The following TUBA3C variants were observed in gnomAD, a reference collection of about 807,000 sequenced individuals.
TUBA3C encodes tubulin alpha 3c, also known as tubulin alpha-3C chain.
In TUBA3C, 23 loss-of-function variants were observed where a neutral mutation model predicts 33.4. That is an observed-to-expected ratio of 0.69 (90% CI 0.50 to 0.98). The LOEUF is 0.98. Ranked by LOEUF, TUBA3C falls within the 50% of genes least tolerant of loss-of-function variation. The pLI is 0.00. For missense variants in TUBA3C, 402 were observed against 616.0 expected (o/e 0.65, Z 3.68); for synonymous variants, 269 against 250.4 (o/e 1.07, Z -0.70).
chr13:19,180,382 G>A lies in TUBA3C; in HGVS notation c.4-819C>T, dbSNP rs374236340. On this transcript the variant is annotated intron_variant, in intron 1 of 4. Coordinates refer to ENST00000400113, the MANE Select transcript of TUBA3C (RefSeq NM_006001.3). ...AGTGCTGGGACACTGCACTGTCCTT[G>A]GTGGTTTCTTTAAGCCCTGACAAGC... is the stretch of plus-strand genomic sequence containing the variant. Among the ~76,000 whole-genome samples, 9 of 140,910 alleles carry A rather than the reference G, an allele frequency of 6.4e-5. No individual in the cohort carries two copies. In the South Asian group the frequency reaches 2.1e-3, roughly 32 times the overall value. 92.4% of individuals were successfully genotyped at this position (140,910 alleles called of 152,430 possible). A position where few individuals can be genotyped will look rare whatever the true frequency, so the allele number is the denominator to read the frequency against.
chr13:19,180,999 C>A (rs757924172), intron 1 of TUBA3C, among the ~76,000 whole-genome samples: 13 of 149,992 alleles, frequency 8.7e-5, no homozygotes, highest in Non-Finnish European at 1.8e-4. Flanking sequence ...AAACCACGGC[C>A]ACTGCTATTC....
At position 19,179,484 on chromosome 13, in the gene TUBA3C, T is replaced by C. The variant is rs61736053; in HGVS notation, c.83A>G (p.His28Arg). The C allele has an allele frequency of 1.2e-6, 2 of 1,614,064 alleles. No homozygotes were observed. Among genetic ancestry groups the C allele is most frequent in the East Asian group, 2.2e-5 (1 of 44,892 alleles). Residue 28 changes from histidine (H) to arginine (R), a missense_variant, in exon 2 of 5, where the codon CAT becomes CGT. His to Arg is a conservative substitution (Grantham distance 29). Transcript: ENST00000400113. ...NACWELYCLEHGIQPDGQMPS... is the reference protein window; with the variant it reads ...NACWELYCLERGIQPDGQMPS... ...CATCTGACCATCGGGCTGAATTCCATGTTCCAGGCAGTACAGTTCCCAGCA... is the reference window on the plus strand; with the variant it reads ...CATCTGACCATCGGGCTGAATTCCACGTTCCAGGCAGTACAGTTCCCAGCA...
At chr13:19,178,039 G>A (rs529657303) in intron 3 of TUBA3C, among the ~76,000 whole-genome samples, 58 of 152,078 alleles carry the variant, frequency 3.8e-4, no homozygotes, top group Non-Finnish European at 7.1e-4. Context: ...TAAAGACAGG[G>A]TTTCACCACG....
chr13:19,174,012 G>A lies in TUBA3C; in HGVS notation c.1204C>T (p.Arg402Trp), dbSNP rs397839867. The A allele has an allele frequency of 5.0e-6, 8 of 1,613,062 alleles. No homozygotes were observed. Among genetic ancestry groups the A allele is most frequent in the Middle Eastern group, 3.3e-4 (2 of 6,062 alleles). ...DHKFDLMYAK[R>W]AFVHWYVGEG... ...CCCACGTACCAGTGCACAAAGGCCC[G>A]CTTGGCATACATGAGATCGAACTTA... Residue 402 changes from arginine (R) to tryptophan (W), a missense_variant, in exon 5 of 5, where the codon CGG (arginine) becomes TGG (tryptophan). Physicochemically the swap from Arg to Trp is moderately radical, Grantham distance 101. Coordinates refer to ENST00000400113, the MANE Select transcript of TUBA3C (RefSeq NM_006001.3).
chr13:19,176,725 CAAAAAAAAAAAAAAAAAA>C (rs55746544), intron 4 of TUBA3C, among the ~76,000 whole-genome samples, 184 bp downstream of exon 4: 7 of 34,582 alleles, frequency 2.0e-4, no homozygotes, highest in Non-Finnish European at 2.5e-4. Flanking sequence ...GACTCTGCCT[CAAAAAAAAAAAAAAAAAA>C]AAAAAAAAAA....
At position 19,177,722 on chromosome 13, in the gene TUBA3C, T is replaced by C; in HGVS notation, c.376-115A>G. The C allele has an allele frequency of 2.3e-6, 3 of 1,325,554 alleles. No homozygotes were observed. Among genetic ancestry groups the C allele is most frequent in the Non-Finnish European group, 3.1e-6 (3 of 980,554 alleles). The allele number at this position is 1,325,554 out of a possible 1,614,324, so 82.1% of individuals were successfully genotyped here. On this transcript the variant is annotated intron_variant, in intron 3 of 4. Coordinates refer to ENST00000400113, the MANE Select transcript of TUBA3C (RefSeq NM_006001.3). The surrounding 1 kb of genome is among the most constrained non-coding windows in gnomAD (Gnocchi z 5.0). Reference sequence around the variant, plus strand: ...ACTTGATATGGATTCCAATCATCCATAATAAACACGCAGTACACTCTGAAG... The same window carrying C: ...ACTTGATATGGATTCCAATCATCCACAATAAACACGCAGTACACTCTGAAG...
At position 19,178,450 on chromosome 13, in the gene TUBA3C, G is replaced by C; in HGVS notation, c.227-56C>G. On this transcript the variant is annotated intron_variant, in intron 2 of 4. Transcript: ENST00000400113. ...TTTAAGGCCTATACTCACCAAGATG[G>C]ACACATTCCAGGACTGTTCACTTCT... The C allele has an allele frequency of 2.5e-6, 4 of 1,602,378 alleles. No homozygotes were observed. In the South Asian group the frequency reaches 3.3e-5, roughly 13 times the overall value.
At chr13:19,181,607 C>T (rs1431735341) in intron 1 of TUBA3C, 138 bp downstream of exon 1, 2 of 1,266,364 alleles carry the variant, frequency 1.6e-6, no homozygotes, top group Non-Finnish European at 2.2e-6. Flanking sequence ...GTGTCCCGCC[C>T]TGGGCCCCGC....
Position 19,174,122 on chromosome 13 carries a change from C to A in TUBA3C, c.1094G>T (p.Gly365Val), listed in dbSNP as rs1400418137. ...CCGCTGCACCTTGGCCAGGTCTCCC[C>A]CAGGGACCACCGTGGGGGGCTGGTA... Reference protein sequence around the residue: ...INYQPPTVVPGGDLAKVQRAV... With the variant: ...INYQPPTVVPVGDLAKVQRAV... Residue 365 changes from glycine (G) to valine (V), a missense_variant, in exon 5 of 5, where the codon GGG becomes GTG. Coordinates refer to ENST00000400113, the MANE Select transcript of TUBA3C (RefSeq NM_006001.3). The A allele has an allele frequency of 2.5e-6, 4 of 1,613,570 alleles. No individual in the cohort carries two copies. The highest frequency in any genetic ancestry group is 1.1e-5 in the South Asian group (1 of 91,036).
chr13:19,179,463 T>G lies in TUBA3C; in HGVS notation c.104A>C (p.Gln35Pro). The stretch of plus-strand genomic sequence containing the variant: ...ACCAATGGTTTTATCACTTGGCATC[T>G]GACCATCGGGCTGAATTCCATGTTC... ...CLEHGIQPDG[Q>P]MPSDKTIGGG... is the part of the protein sequence containing the mutation. Residue 35 changes from glutamine (Q) to proline (P), a missense_variant, in exon 2 of 5, where the codon CAG becomes CCG. Gln to Pro is a moderately conservative substitution (Grantham distance 76). Transcript: ENST00000400113. 6.2e-7 allele frequency: 1 copy of G among 1,614,130 alleles called. No individual in the cohort carries two copies. Among genetic ancestry groups the G allele is most frequent in the East Asian group, 2.2e-5 (1 of 44,868 alleles).
intron 1 of TUBA3C, among the ~76,000 whole-genome samples, 170 bp downstream of exon 1, chr13:19,181,575 C>G (rs1451345814): frequency 6.6e-6 from 1 of 152,154 alleles, no homozygotes; most frequent in Non-Finnish European, 1.5e-5. Context: ...CCCGCAGACC[C>G]AGCAGACGAT....
chr13:19,181,594 C>T, intron 1 of TUBA3C, 151 bp downstream of exon 1: 2 of 1,145,628 alleles, frequency 1.7e-6, no homozygotes, highest in East Asian at 2.5e-5. Flanking sequence ...ATGCCGTGTC[C>T]TCGTGTCCCG....
Position 19,177,703 on chromosome 13 carries a change from T to G in TUBA3C, c.376-96A>C, listed in dbSNP as rs1012024984. The G allele has an allele frequency of 2.1e-6, 3 of 1,436,852 alleles. No homozygotes were observed. In the Admixed American group the frequency reaches 7.7e-5, roughly 37 times the overall value. 89.0% of individuals were successfully genotyped at this position (1,436,852 alleles called of 1,614,324 possible). ...CACTTCTCTGCCTCTGAAGACTTGA[T>G]ATGGATTCCAATCATCCATAATAAA... On this transcript the variant is annotated intron_variant, in intron 3 of 4. Transcript: ENST00000400113. This position sits in a 1 kb window ranked among gnomAD's most constrained non-coding sequence, Gnocchi z 5.0.
intron 1 of TUBA3C, among the ~76,000 whole-genome samples, chr13:19,181,327 T>G (rs572370054): frequency 1.3e-5 from 2 of 152,294 alleles, no homozygotes; most frequent in South Asian, 4.1e-4. Flanking sequence ...CTTTAATTCC[T>G]GATCTGACCA....
chr13:19,180,961 C>CA (rs532243124), intron 1 of TUBA3C, among the ~76,000 whole-genome samples: 2,717 of 81,986 alleles, frequency 0.033, 36 homozygotes, highest in South Asian at 0.066. Context: ...TGAGCCGTTT[C>CA]AAAAAAAAAA....
At chr13:19,179,981 T>C (rs1869345916) in intron 1 of TUBA3C, among the ~76,000 whole-genome samples, 1 of 152,102 alleles carries the variant, frequency 6.6e-6, no homozygotes, top group Non-Finnish European at 1.5e-5. Context: ...GTCACTGTGG[T>C]CCAAGCCCAG....
Position 19,177,290 on chromosome 13 carries a change from A to C in TUBA3C, c.693T>G (p.Ile231Met), listed in dbSNP as rs1283442932. Residue 231 changes from isoleucine to methionine, a missense_variant, in exon 4 of 5, where the codon ATT becomes ATG. Physicochemically the swap from Ile to Met is conservative, Grantham distance 10 (BLOSUM62 1). Transcript: ENST00000400113. The surrounding 1 kb of genome is among the most constrained non-coding windows in gnomAD (Gnocchi z 5.0). ...CCGTGATGGAGGACACGATCTGCCC[A>C]ATCAGGCGATTGAGGTTGGTGTACG... ...RPTYTNLNRLIGQIVSSITAS... is the reference protein window; with the variant it reads ...RPTYTNLNRLMGQIVSSITAS... 6.2e-7 allele frequency: 1 copy of C among 1,614,130 alleles called. No individual in the cohort carries two copies. The highest frequency in any genetic ancestry group is 1.7e-5 in the Admixed American group (1 of 60,020).
Position 19,180,709 on chromosome 13 carries a change from A to C in TUBA3C, c.3+1036T>G, listed in dbSNP as rs374741554. ...ATGGGGTTTCACCGTGTTAGCCAGGATGGTCTCGATCTCCTGACCTTTTGA... is the reference window on the plus strand; with the variant it reads ...ATGGGGTTTCACCGTGTTAGCCAGGCTGGTCTCGATCTCCTGACCTTTTGA... On this transcript the variant is annotated intron_variant, in intron 1 of 4. Coordinates refer to ENST00000400113, the MANE Select transcript of TUBA3C (RefSeq NM_006001.3). Among the ~76,000 whole-genome samples the C allele has an allele frequency of 1.1e-4, 16 of 151,436 alleles. No individual in the cohort carries two copies. The South Asian group carries it at 1.7e-3, about 16-fold the overall frequency.
intron 4 of TUBA3C, among the ~76,000 whole-genome samples, chr13:19,175,308 G>A (rs376993771): frequency 4.6e-5 from 7 of 152,264 alleles, no homozygotes; most frequent in East Asian, 1.9e-4. Flanking sequence ...TTTCTTTTCC[G>A]GGAAGCCTAG....
Sources: allele counts gnomAD v4.1 joint callset (sites outside exome capture counted in the v4.1 genomes callset), GRCh38; gene constraint gnomAD v4.1.1; non-coding constraint Gnocchi (gnomAD v3.1); transcripts MANE v1.5; gene names NCBI Gene and HGNC (gene_info 2026-07-23, HGNC 2026-07-21).